The following VGLL4 variants were observed in gnomAD, a reference collection of about 807,000 sequenced individuals.
The protein encoded by VGLL4 is vestigial like family member 4.
In VGLL4, 7 loss-of-function variants were observed where a neutral mutation model predicts 21.0. The ratio of observed to expected loss-of-function variants is 0.33; its 90% CI spans 0.19 to 0.63. The LOEUF (loss-of-function observed/expected upper bound fraction) is 0.63, where lower values mean the gene tolerates loss of function less well. Ranked by LOEUF, VGLL4 falls within the 20% of genes least tolerant of loss-of-function variation. The probability of loss-of-function intolerance (pLI) is 0.78; values close to 1 mark genes in which losing one functional copy is unlikely to be tolerated. For missense variants in VGLL4, 394 were observed against 425.7 expected (o/e 0.93, Z 0.66); for synonymous variants, 222 against 173.2 (o/e 1.28, Z -2.21).
chr3:11,660,807 G>A (rs780812131), intron 2 of VGLL4, among the ~76,000 whole-genome samples: 1 of 151,986 alleles, frequency 6.6e-6, no homozygotes, highest in Admixed American at 6.6e-5. Context: ...AATCTGAGTG[G>A]AAAAATCATT....
At chr3:11,561,613 G>T (rs919998013) in intron 3 of VGLL4, among the ~76,000 whole-genome samples, 4 of 152,194 alleles carry the variant, frequency 2.6e-5, no homozygotes, top group Non-Finnish European at 4.4e-5. Context: ...CGTCCACCTA[G>T]AACGGGCCCC....
intron 3 of VGLL4, among the ~76,000 whole-genome samples, chr3:11,564,162 A>C (rs933345088): frequency 6.6e-6 from 1 of 152,184 alleles, no homozygotes; most frequent in South Asian, 2.1e-4. Context: ...CTTCTCCCAT[A>C]TATTTCCCCA....
intron 1 of VGLL4, among the ~76,000 whole-genome samples, chr3:11,640,798 G>A (rs765760643): frequency 6.6e-5 from 10 of 152,150 alleles, no homozygotes; most frequent in East Asian, 1.9e-4. Context: ...ATCGATTTGC[G>A]TATTAAGTCA....
chr3:11,598,671 TG>T (rs1316066903), intron 2 of VGLL4, among the ~76,000 whole-genome samples: 1 of 152,040 alleles, frequency 6.6e-6, no homozygotes, highest in East Asian at 1.9e-4. Flanking sequence ...TAAAATTTTT[TG>T]TAGAGATGGG....
intron 2 of VGLL4, among the ~76,000 whole-genome samples, chr3:11,579,901 C>CT (rs2074177845): frequency 6.6e-6 from 1 of 152,188 alleles, no homozygotes; most frequent in East Asian, 1.9e-4. Flanking sequence ...TCCAAGCTGC[C>CT]TGACTCTCCT....
rs1026325847 is a variant in VGLL4, at chr3:11,568,918, G to A, written c.273-3899C>T. 2.1e-5 allele frequency: 26 copies of A among 1,267,338 alleles called. No homozygotes were observed. Among genetic ancestry groups the A allele is most frequent in the South Asian group, 5.7e-5 (3 of 52,760 alleles). 78.5% of individuals were successfully genotyped at this position (1,267,338 alleles called of 1,614,324 possible). A position where few individuals can be genotyped will look rare whatever the true frequency, so the allele number is the denominator to read the frequency against. The stretch of plus-strand genomic sequence containing the variant: ...CCCGGGCCTCATCCCCATCCTAGGC[G>A]GGCACTTCCACTGCCAGCTGCCCAC... On this transcript the variant is annotated intron_variant, in intron 2 of 4. Coordinates refer to ENST00000430365, the MANE Select transcript of VGLL4 (RefSeq NM_001128219.3). This position sits in a 1 kb window ranked among gnomAD's most constrained non-coding sequence, Gnocchi z 5.9.
intron 2 of VGLL4, among the ~76,000 whole-genome samples, chr3:11,694,874 C>T (rs1373757261): frequency 6.6e-6 from 1 of 152,104 alleles, no homozygotes; most frequent in African/African-American, 2.4e-5. Context: ...AGCAGATCTT[C>T]ATCTGTTGTG....
chr3:11,629,527 C>T (rs1367582497), intron 1 of VGLL4, among the ~76,000 whole-genome samples: 2 of 152,028 alleles, frequency 1.3e-5, no homozygotes, highest in African/African-American at 4.8e-5. Context: ...GAGGCAGAGG[C>T]AGGTGGATCA....
upstream of VGLL4, among the ~76,000 whole-genome samples, chr3:11,646,550 A>G (rs2075796172): frequency 6.6e-6 from 1 of 151,464 alleles, no homozygotes; most frequent in Non-Finnish European, 1.5e-5. Flanking sequence ...GCTTTCATCT[A>G]GGGAGGAAAA....
At chr3:11,716,491 GAAGA>G (rs1309974960) in intron 1 of VGLL4, among the ~76,000 whole-genome samples, 1 of 151,974 alleles carries the variant, frequency 6.6e-6, no homozygotes, top group Non-Finnish European at 1.5e-5. Context: ...CACAAATGTC[GAAGA>G]AAGTGTCAGA....
chr3:11,577,390 A>G (rs1259417824), intron 2 of VGLL4, among the ~76,000 whole-genome samples: 2 of 152,190 alleles, frequency 1.3e-5, no homozygotes, highest in Non-Finnish European at 2.9e-5. Flanking sequence ...TGAGGCCAGG[A>G]GTTCAAGACC....
chr3:11,583,014 G>A (rs991171052), intron 2 of VGLL4, among the ~76,000 whole-genome samples: 7 of 152,206 alleles, frequency 4.6e-5, no homozygotes, highest in African/African-American at 1.7e-4. Flanking sequence ...GCAAGAAGTT[G>A]CTAAGTCTGC....
intron 1 of VGLL4, among the ~76,000 whole-genome samples, chr3:11,707,327 CAAAAAAAAAAA>C (rs34222383): frequency 7.0e-5 from 3 of 43,028 alleles, no homozygotes; most frequent in South Asian, 1.3e-3. Flanking sequence ...GACCCTGCCT[CAAAAAAAAAAA>C]AAAAAAAAAA....
rs1420866012 is a variant in VGLL4 at position 11,663,810 on chromosome 3, A to G, written c.64+39161T>C. Among the ~76,000 whole-genome samples, 4 of 152,238 alleles carry G rather than the reference A, an allele frequency of 2.6e-5. No individual in the cohort carries two copies. In the East Asian group the frequency reaches 7.7e-4, roughly 29 times the overall value. On this transcript the variant is annotated intron_variant, in intron 2 of 5. Coordinates refer to the VGLL4 transcript ENST00000273038. ...TTCTGTTATTACATACTTTCTTTACATATCCTTGTTTCTGAAGTAAGCAAA... is the reference window on the plus strand; with the variant it reads ...TTCTGTTATTACATACTTTCTTTACGTATCCTTGTTTCTGAAGTAAGCAAA...
At chr3:11,647,251 T>C (rs2075807151), upstream of VGLL4, among the ~76,000 whole-genome samples, 1 of 152,016 alleles carries the variant, frequency 6.6e-6, no homozygotes, top group African/African-American at 2.4e-5. Flanking sequence ...TGCAGTGAGT[T>C]ATTCCACAAA....
rs1290526989 is a variant in VGLL4, at chr3:11,719,576, C to G, written c.-14+818G>C. The G allele has an allele frequency of 1.3e-5, 2 of 151,862 alleles. No homozygotes were observed. Among genetic ancestry groups the G allele is most frequent in the African/African-American group, 4.8e-5 (2 of 41,390 alleles). The allele number at this position is 151,862 out of a possible 1,614,324, so 9.4% of individuals were successfully genotyped here. On this transcript the variant is annotated intron_variant, in intron 1 of 5. Transcript: ENST00000273038. The surrounding 1 kb of genome is among the most constrained non-coding windows in gnomAD (Gnocchi z 4.0). ...CCCGCACGGGCCCCCGCCAAACACG[C>G]ACACGCACACGCACGCGCGGACCGG...
intron 2 of VGLL4, among the ~76,000 whole-genome samples, chr3:11,657,602 G>A (rs1191408214): frequency 6.6e-6 from 1 of 152,120 alleles, no homozygotes; most frequent in South Asian, 2.1e-4. Context: ...CTAACTAGGA[G>A]GAATCTGGCT....
At chr3:11,603,217 G>A (rs2074849297) in intron 1 of VGLL4, among the ~76,000 whole-genome samples, 1 of 152,094 alleles carries the variant, frequency 6.6e-6, no homozygotes, top group African/African-American at 2.4e-5. Flanking sequence ...ATATTTACCA[G>A]GAAAAATAAA....
At chr3:11,640,664 G>T (rs906037589) in intron 1 of VGLL4, among the ~76,000 whole-genome samples, 1 of 152,056 alleles carries the variant, frequency 6.6e-6, no homozygotes, top group African/African-American at 2.4e-5. Flanking sequence ...AGTTATTCTT[G>T]CAGACAACTA....
Sources: gnomAD v4.1 joint callset for allele counts (sites outside exome capture counted in the v4.1 genomes callset) on GRCh38, gnomAD v4.1.1 for gene constraint, Gnocchi (gnomAD v3.1) non-coding constraint, MANE v1.5 for transcripts, NCBI Gene and HGNC (gene_info 2026-07-23, HGNC 2026-07-21) for gene names.